GSG1L: variants seen among roughly 807,000 people sequenced by gnomAD.
The protein encoded by GSG1L is germ cell-specific gene 1-like protein.
Under a neutral mutation model 42.1 loss-of-function variants are expected in GSG1L, and 24 were observed. That is an observed-to-expected ratio of 0.57 (90% CI 0.41 to 0.80). GSG1L has a LOEUF of 0.80. GSG1L is among the 30% of genes least tolerant of loss of function. The pLI, the probability that GSG1L is intolerant of heterozygous loss-of-function variation, is 0.00. For missense variants in GSG1L, 445 were observed against 472.2 expected (o/e 0.94, Z 0.53); for synonymous variants, 215 against 203.5 (o/e 1.06, Z -0.48).
chr16:27,853,408 T>C (rs2083538249), intron 3 of GSG1L, among the ~76,000 whole-genome samples: 1 of 152,204 alleles, frequency 6.6e-6, no homozygotes, highest in South Asian at 2.1e-4. Flanking sequence ...GTTTAAAAAG[T>C]TCCTCCTTAC....
At chr16:27,881,347 T>C (rs560151258) in intron 3 of GSG1L, among the ~76,000 whole-genome samples, 4 of 150,814 alleles carry the variant, frequency 2.7e-5, no homozygotes, top group African/African-American at 9.7e-5. Context: ...GTTCAAGTGA[T>C]TCTCCTGCCT....
chr16:28,034,643 T>A (rs72785835), intron 1 of GSG1L, among the ~76,000 whole-genome samples: 253 of 152,162 alleles, frequency 1.7e-3, no homozygotes, highest in Non-Finnish European at 3.2e-3. Context: ...GAGGCCAAGG[T>A]TAGGACTCAG....
intron 6 of GSG1L, among the ~76,000 whole-genome samples, chr16:27,792,391 G>A (rs1319647300): frequency 1.3e-5 from 2 of 152,162 alleles, no homozygotes; most frequent in African/African-American, 4.8e-5. Flanking sequence ...AAGGGGAAGG[G>A]CTGGAAAGGC....
At chr16:27,991,562 G>A (rs1433420130) in intron 1 of GSG1L, among the ~76,000 whole-genome samples, 6 of 151,718 alleles carry the variant, frequency 4.0e-5, no homozygotes, top group South Asian at 2.1e-4. Context: ...GCACCACCAC[G>A]CCTGGCTAAC....
At position 27,912,063 on chromosome 16, in the gene GSG1L, A is replaced by T. The variant is rs182991753; in HGVS notation, c.398-27425T>A. Among the ~76,000 whole-genome samples the T allele has an allele frequency of 2.2e-3, 328 of 152,278 alleles. 3 individuals carry two copies. Among genetic ancestry groups the T allele is most frequent in the African/African-American group, 7.5e-3 (312 of 41,560 alleles). On this transcript the variant is annotated intron_variant, in intron 2 of 6. Transcript: ENST00000447459. The stretch of plus-strand genomic sequence containing the variant: ...TCAGCTTTGGATTCAAGCTATAAGG[A>T]CACTGACCACCTGCTTTGTGGTGGT...
chr16:27,822,342 C>T (rs749883804), intron 5 of GSG1L, among the ~76,000 whole-genome samples: 1 of 152,172 alleles, frequency 6.6e-6, no homozygotes, highest in African/African-American at 2.4e-5. Context: ...GTCAGCCAGG[C>T]GCTCAAACAG....
At chr16:27,927,405 G>A (rs1334599867) in intron 2 of GSG1L, among the ~76,000 whole-genome samples, 1 of 152,012 alleles carries the variant, frequency 6.6e-6, no homozygotes, top group Non-Finnish European at 1.5e-5. Flanking sequence ...GCCACCTCTC[G>A]CCGGAATCCT....
At chr16:27,894,078 G>T (rs2084162048) in intron 2 of GSG1L, among the ~76,000 whole-genome samples, 1 of 152,122 alleles carries the variant, frequency 6.6e-6, no homozygotes, top group Non-Finnish European at 1.5e-5. Flanking sequence ...AGGTGGTAAG[G>T]CACTGAGAAA....
chr16:28,048,591 A>C (rs1413690723), intron 1 of GSG1L, among the ~76,000 whole-genome samples: 2 of 152,124 alleles, frequency 1.3e-5, no homozygotes, highest in South Asian at 2.1e-4. Context: ...CGTTCTACTA[A>C]ATTATTCTTG....
chr16:27,804,819 C>T (rs376356924), intron 6 of GSG1L, among the ~76,000 whole-genome samples: 1 of 4,418 alleles, frequency 2.3e-4, no homozygotes, highest in East Asian at 2.1e-3. Flanking sequence ...AGATTGGGGG[C>T]GGGGGGAGGG....
rs1358753793 is a variant in GSG1L, at chr16:28,063,040, C to G, written c.349+36G>C. 7.3e-7 allele frequency: 1 copy of G among 1,369,958 alleles called. No individual in the cohort carries two copies. Among genetic ancestry groups the G allele is most frequent in the East Asian group, 3.4e-5 (1 of 29,364 alleles). 84.9% of individuals were successfully genotyped at this position (1,369,958 alleles called of 1,614,324 possible). A position where few individuals can be genotyped will look rare whatever the true frequency, so the allele number is the denominator to read the frequency against. ...CGATGGCCGCGCCGCCCCGGGGGAG[C>G]CGGAGCCGAGCTGGCCGCCGCCCGC... On this transcript the variant is annotated intron_variant, in intron 1 of 6. Transcript: ENST00000447459. The surrounding 1 kb of genome is among the most constrained non-coding windows in gnomAD (Gnocchi z 5.8).
At chr16:27,832,703 G>A (rs367660864) in intron 4 of GSG1L, among the ~76,000 whole-genome samples, 4 of 152,154 alleles carry the variant, frequency 2.6e-5, no homozygotes, top group South Asian at 2.1e-4. Flanking sequence ...TTGCACTTCC[G>A]TAACAGCTAA....
intron 5 of GSG1L, among the ~76,000 whole-genome samples, chr16:27,826,932 G>T (rs942488448): frequency 6.6e-6 from 1 of 152,172 alleles, no homozygotes; most frequent in Non-Finnish European, 1.5e-5. Flanking sequence ...TAAATCCTGG[G>T]GCTGCCTCTT....
intron 6 of GSG1L, among the ~76,000 whole-genome samples, chr16:27,803,777 A>ATATC: frequency 1.4e-5 from 1 of 71,484 alleles, no homozygotes; most frequent in Non-Finnish European, 2.6e-5. Context: ...ATATATATAT[A>ATATC]TATATATATA....
At position 27,831,156 on chromosome 16, in the gene GSG1L, T is replaced by G. The variant is rs560869156; in HGVS notation, c.663-2200A>C. ...GGAAACAAAGCTCATCTTTCTTCTGTGGTGCTAAGCTGGTGGGATTTGAGC... is the reference window on the plus strand; with the variant it reads ...GGAAACAAAGCTCATCTTTCTTCTGGGGTGCTAAGCTGGTGGGATTTGAGC... On this transcript the variant is annotated intron_variant, in intron 4 of 6. Coordinates refer to ENST00000447459, the MANE Select transcript of GSG1L (RefSeq NM_001109763.2). Among the ~76,000 whole-genome samples the G allele has an allele frequency of 3.3e-5, 5 of 152,280 alleles. No individual in the cohort carries two copies. In the East Asian group the frequency reaches 7.7e-4, roughly 24 times the overall value.
rs565406499 is a variant in GSG1L, at chr16:27,795,842, C to T, written c.899-4375G>A. Reference sequence around the variant, plus strand: ...TCAGATCTCCTCCAGCCCCATCTCCCGCCTCCCTCAGTGAAGAATCACTGT... The same window carrying T: ...TCAGATCTCCTCCAGCCCCATCTCCTGCCTCCCTCAGTGAAGAATCACTGT... On this transcript the variant is annotated intron_variant, in intron 6 of 6. Coordinates refer to ENST00000447459, the MANE Select transcript of GSG1L (RefSeq NM_001109763.2). 1.7e-4 allele frequency among the ~76,000 whole-genome samples: 26 copies of T among 152,286 alleles called. No individual in the cohort carries two copies. In the East Asian group the frequency reaches 4.2e-3, roughly 25 times the overall value.
intron 1 of GSG1L, among the ~76,000 whole-genome samples, chr16:28,045,055 TG>T: frequency 6.6e-6 from 1 of 151,558 alleles, no homozygotes; most frequent in East Asian, 2.0e-4. Context: ...GCCAGGAGTT[TG>T]GGGGAAAGAA....
chr16:27,920,424 G>C (rs1030408600), intron 2 of GSG1L, among the ~76,000 whole-genome samples: 2 of 152,216 alleles, frequency 1.3e-5, no homozygotes, highest in African/African-American at 4.8e-5. Context: ...GTTTCCAGGA[G>C]TCGTTGGGAG....
intron 2 of GSG1L, among the ~76,000 whole-genome samples, chr16:27,914,372 G>T (rs1163627777): frequency 6.6e-6 from 1 of 152,074 alleles, no homozygotes; most frequent in Non-Finnish European, 1.5e-5. Flanking sequence ...ATTGTGGATG[G>T]AATATTATTC....
Sources: allele counts gnomAD v4.1 joint callset (sites outside exome capture counted in the v4.1 genomes callset), GRCh38; gene constraint gnomAD v4.1.1; non-coding constraint Gnocchi (gnomAD v3.1); transcripts MANE v1.5; gene names NCBI Gene and HGNC (gene_info 2026-07-23, HGNC 2026-07-21).